Variants in RNGTT observed in about 807,000 individuals in gnomAD.
RNGTT encodes RNA guanylyltransferase and 5'-phosphatase, also known as mRNA-capping enzyme.
Under a neutral mutation model 79.3 loss-of-function variants are expected in RNGTT, and 33 were observed. The ratio of observed to expected loss-of-function variants is 0.42; its 90% CI spans 0.32 to 0.56. RNGTT has a LOEUF of 0.56. RNGTT is among the 20% of genes least tolerant of loss of function. The pLI, the probability that RNGTT is intolerant of heterozygous loss-of-function variation, is 0.17. For missense variants in RNGTT, 497 were observed against 739.1 expected, an observed-to-expected ratio of 0.67 and a Z score of 3.80; for synonymous variants, 222 against 235.9, an observed-to-expected ratio of 0.94 and a Z score of 0.54.
chr6:88,844,694 C>T (rs1345902344), intron 10 of RNGTT, among the ~76,000 whole-genome samples, 173 bp from the exon 11 acceptor site: 1 of 152,172 alleles, frequency 6.6e-6, no homozygotes, highest in Non-Finnish European at 1.5e-5. Context: ...GTTTGACTAA[C>T]AATACAACTA....
intron 12 of RNGTT, among the ~76,000 whole-genome samples, chr6:88,774,658 G>A (rs905121922): frequency 2.5e-4 from 38 of 152,108 alleles, no homozygotes; most frequent in African/African-American, 7.2e-4. Context: ...GTTTTGATAC[G>A]TGCTGCCAAA....
chr6:88,709,479 T>A (rs1776250185), intron 13 of RNGTT, among the ~76,000 whole-genome samples: 2 of 152,188 alleles, frequency 1.3e-5, no homozygotes, highest in Admixed American at 1.3e-4. Context: ...AATATATAAT[T>A]GTATTGTAAT....
chr6:88,955,298 C>A (rs1163480527), intron 1 of RNGTT, among the ~76,000 whole-genome samples: 1 of 152,070 alleles, frequency 6.6e-6, no homozygotes, highest in Non-Finnish European at 1.5e-5. Context: ...TGCCTGCAAT[C>A]CTAGCACTTT....
intron 4 of RNGTT, among the ~76,000 whole-genome samples, chr6:88,919,707 C>CTTT (rs5878082): frequency 0.011 from 672 of 58,474 alleles, 104 homozygotes; most frequent in African/African-American, 0.038. Context: ...GTCAGTAGTT[C>CTTT]TTTTTTTTTT....
At chr6:88,804,526 A>C (rs1779894995) in intron 11 of RNGTT, among the ~76,000 whole-genome samples, 1 of 152,304 alleles carries the variant, frequency 6.6e-6, no homozygotes, top group South Asian at 2.1e-4. Context: ...AGAATATACT[A>C]TATGAATAAA....
chr6:88,679,978 T>C (rs1049772332), intron 13 of RNGTT, among the ~76,000 whole-genome samples: 2 of 152,140 alleles, frequency 1.3e-5, no homozygotes, highest in African/African-American at 4.8e-5. Flanking sequence ...TAATGGCCTT[T>C]TAACATAATA....
intron 13 of RNGTT, among the ~76,000 whole-genome samples, chr6:88,735,567 T>TAAAAA (rs71554796): frequency 3.0e-3 from 362 of 120,756 alleles, no homozygotes; most frequent in African/African-American, 0.011. Flanking sequence ...ACACGAGTGT[T>TAAAAA]AAAAAAAAAA....
At position 88,646,128 on chromosome 6, in the gene RNGTT, A is replaced by T. The variant is rs576497475; in HGVS notation, c.1507-31733T>A. 3.6e-3 allele frequency among the ~76,000 whole-genome samples: 555 copies of T among 152,266 alleles called. 5 individuals are homozygous for T. Among genetic ancestry groups the T allele is most frequent in the African/African-American group, 0.013 (521 of 41,558 alleles). ...AAGGGCTAATATCCAGAATCTACAA[A>T]GAACTCAAACAAATTTACAAGAAAA... On this transcript the variant is annotated intron_variant, in intron 14 of 15. Coordinates refer to ENST00000369485, the MANE Select transcript of RNGTT (RefSeq NM_003800.5).
At chr6:88,886,362 T>TGATCCTGGACTG (rs1484526509) in intron 8 of RNGTT, among the ~76,000 whole-genome samples, 4 of 152,168 alleles carry the variant, frequency 2.6e-5, no homozygotes, top group African/African-American at 9.7e-5. Context: ...ATGAAACACG[T>TGATCCTGGACTG]GATCCTGGAC....
intron 14 of RNGTT, 95 bp from the exon 15 acceptor site, chr6:88,614,490 C>G: frequency 1.7e-6 from 2 of 1,163,542 alleles, no homozygotes; most frequent in Non-Finnish European, 2.5e-6. Context: ...GATAAAAATA[C>G]CTCAGTAACT....
intron 5 of RNGTT, 53 bp from the exon 6 acceptor site, chr6:88,905,008 C>T: frequency 1.9e-6 from 3 of 1,577,074 alleles, no homozygotes; most frequent in Non-Finnish European, 2.6e-6. Flanking sequence ...TTTATGCAGG[C>T]TTATCAAAAA....
At chr6:88,857,156 T>C (rs1211418166) in intron 8 of RNGTT, among the ~76,000 whole-genome samples, 1 of 152,110 alleles carries the variant, frequency 6.6e-6, no homozygotes, top group Non-Finnish European at 1.5e-5. Flanking sequence ...ATGTGAGATA[T>C]ATAATTAAGT....
chr6:88,623,992 G>A (rs9444635), intron 14 of RNGTT, among the ~76,000 whole-genome samples: 4,551 of 151,976 alleles, frequency 0.03, 230 homozygotes, highest in African/African-American at 0.1. Context: ...ATAATTTATA[G>A]TAACACAACT....
At chr6:88,711,641 C>T (rs912054026) in intron 13 of RNGTT, among the ~76,000 whole-genome samples, 5 of 152,152 alleles carry the variant, frequency 3.3e-5, no homozygotes, top group Non-Finnish European at 4.4e-5. Flanking sequence ...AGCATGTTCA[C>T]GCCCACTTGC....
chr6:88,804,592 G>T (rs1002950459), intron 11 of RNGTT, among the ~76,000 whole-genome samples: 1 of 152,064 alleles, frequency 6.6e-6, no homozygotes, highest in African/African-American at 2.4e-5. Context: ...TAAGAATAGA[G>T]ATGTAATCTA....
chr6:88,630,190 A>G (rs927368), intron 14 of RNGTT, among the ~76,000 whole-genome samples: 18,570 of 152,164 alleles, frequency 0.12, 1,286 homozygotes, highest in Middle Eastern at 0.22. Flanking sequence ...GGAGAAAACT[A>G]TGGAATGGTG....
intron 2 of RNGTT, among the ~76,000 whole-genome samples, chr6:88,934,374 T>C (rs1296268076): frequency 3.3e-5 from 5 of 152,184 alleles, no homozygotes; most frequent in African/African-American, 4.8e-5. Flanking sequence ...TGATATTTCA[T>C]TGTGGTTTGG....
chr6:88,865,672 G>T (rs191252966), intron 8 of RNGTT, among the ~76,000 whole-genome samples: 1 of 152,194 alleles, frequency 6.6e-6, no homozygotes, highest in African/African-American at 2.4e-5. Context: ...TCAAAACAGA[G>T]AATTCATATT....
At chr6:88,815,752 C>G (rs758655122) in intron 11 of RNGTT, among the ~76,000 whole-genome samples, 14 of 152,064 alleles carry the variant, frequency 9.2e-5, no homozygotes, top group Non-Finnish European at 1.8e-4. Context: ...GTAAAGTGAC[C>G]CAGTTAGCCA....
Sources: gnomAD v4.1 joint callset for allele counts (sites outside exome capture counted in the v4.1 genomes callset) on GRCh38, gnomAD v4.1.1 for gene constraint, MANE v1.5 for transcripts, NCBI Gene and HGNC (gene_info 2026-07-23, HGNC 2026-07-21) for gene names.